ARHGAP24: variants seen among roughly 807,000 people sequenced by gnomAD.
ARHGAP24 encodes Rho GTPase activating protein 24.
ARHGAP24 carries 50 observed loss-of-function variants against 76.4 expected under a neutral mutation model. That is an observed-to-expected ratio of 0.65 (90% CI 0.52 to 0.83). The LOEUF is 0.83. ARHGAP24 is among the 40% of genes least tolerant of loss of function. The probability of loss-of-function intolerance (pLI) is 0.00; values close to 1 mark genes in which losing one functional copy is unlikely to be tolerated. For missense variants in ARHGAP24, 930 were observed against 914.2 expected (o/e 1.02, Z -0.22); for synonymous variants, 345 against 323.3 (o/e 1.07, Z -0.72).
chr4:85,899,614 A>C (rs531028690), intron 3 of ARHGAP24, among the ~76,000 whole-genome samples: 1 of 152,342 alleles, frequency 6.6e-6, no homozygotes, highest in South Asian at 2.1e-4. Context: ...ATACTTTGAG[A>C]TATCATCTGG....
chr4:85,570,785 A>G (rs1346277842), intron 2 of ARHGAP24, 64 bp downstream of exon 2: 12 of 1,581,382 alleles, frequency 7.6e-6, no homozygotes, highest in African/African-American at 1.4e-5. Context: ...GGGATTTGCT[A>G]GAAACCGATT....
At chr4:85,857,909 G>C (rs947025509) in intron 3 of ARHGAP24, among the ~76,000 whole-genome samples, 3 of 151,958 alleles carry the variant, frequency 2.0e-5, no homozygotes, top group Non-Finnish European at 4.4e-5. Flanking sequence ...AAGCTCTGAA[G>C]GTTTCTATTA....
chr4:85,945,501 T>A (rs1737200713), intron 5 of ARHGAP24, among the ~76,000 whole-genome samples: 1 of 151,978 alleles, frequency 6.6e-6, no homozygotes, highest in Admixed American at 6.6e-5. Flanking sequence ...GGGTGGCTCA[T>A]GCCTATAATC....
At chr4:85,846,639 A>C (rs1246330161) in intron 3 of ARHGAP24, among the ~76,000 whole-genome samples, 1 of 152,206 alleles carries the variant, frequency 6.6e-6, no homozygotes, top group Non-Finnish European at 1.5e-5. Flanking sequence ...TTATTAACCA[A>C]CTTTCACTCT....
chr4:85,888,009 T>A (rs1268042110), intron 3 of ARHGAP24, among the ~76,000 whole-genome samples: 1 of 152,178 alleles, frequency 6.6e-6, no homozygotes, highest in Non-Finnish European at 1.5e-5. Flanking sequence ...GGATTACATA[T>A]GACTAGGAAA....
intron 3 of ARHGAP24, among the ~76,000 whole-genome samples, chr4:85,871,288 A>C (rs1430562486): frequency 1.3e-5 from 2 of 152,194 alleles, no homozygotes; most frequent in Admixed American, 1.3e-4. Flanking sequence ...ACTGCTTTAG[A>C]ATAAAGAAGA....
chr4:85,700,420 G>A (rs79462025), intron 2 of ARHGAP24, among the ~76,000 whole-genome samples: 88,133 of 139,654 alleles, frequency 0.63, 29,819 homozygotes, highest in Non-Finnish European at 0.78. Context: ...AATAAATAAA[G>A]AAGAAGAAGA....
intron 3 of ARHGAP24, among the ~76,000 whole-genome samples, chr4:85,775,251 A>G (rs1030246326): frequency 6.6e-6 from 1 of 152,194 alleles, no homozygotes; most frequent in Admixed American, 6.5e-5. Context: ...GAATGATGAG[A>G]AGATCATTCT....
chr4:85,726,238 G>A (rs749329561), intron 3 of ARHGAP24, among the ~76,000 whole-genome samples: 34 of 151,832 alleles, frequency 2.2e-4, no homozygotes, highest in Non-Finnish European at 4.4e-4. Flanking sequence ...CTTTTGGGGG[G>A]TGGGGGGTGG....
At position 85,655,766 on chromosome 4, in the gene ARHGAP24, C is replaced by CATATATATATATATATATAT. The variant is rs370571889; in HGVS notation, c.181-66111_181-66092dup. ...CAGCCTGGGTGACAGAGTGAGACTC[C>CATATATATATATATATATAT]ATATATATATATATATATATATATA... is the stretch of plus-strand genomic sequence containing the variant. On this transcript the variant is annotated intron_variant, in intron 2 of 9. Transcript: ENST00000395184. Among the ~76,000 whole-genome samples the CATATATATATATATATATAT allele has an allele frequency of 7.2e-5, 5 of 69,050 alleles. 1 individual carries two copies. The highest frequency in any genetic ancestry group is 5.0e-4 in the African/African-American group (5 of 9,984). 45.3% of individuals were successfully genotyped at this position (69,050 alleles called of 152,430 possible). A position where few individuals can be genotyped will look rare whatever the true frequency, so the allele number is the denominator to read the frequency against.
chr4:85,809,699 A>G (rs1393597963), intron 3 of ARHGAP24, among the ~76,000 whole-genome samples: 1 of 152,114 alleles, frequency 6.6e-6, no homozygotes, highest in Non-Finnish European at 1.5e-5. Flanking sequence ...CTCATTTTGG[A>G]CATCATAAGG....
intron 1 of ARHGAP24, among the ~76,000 whole-genome samples, chr4:85,509,222 C>A (rs890595686): frequency 6.8e-6 from 1 of 147,986 alleles, no homozygotes; most frequent in Non-Finnish European, 1.5e-5. Flanking sequence ...GGAGGGATAG[C>A]ATTAGGAGAT....
At chr4:85,800,969 TA>T (rs1728556116) in intron 3 of ARHGAP24, among the ~76,000 whole-genome samples, 1 of 152,202 alleles carries the variant, frequency 6.6e-6, no homozygotes, top group Non-Finnish European at 1.5e-5. Context: ...TTAAGTTAAA[TA>T]CATAAAAACA....
At chr4:85,616,164 C>T (rs1005545255) in intron 2 of ARHGAP24, among the ~76,000 whole-genome samples, 2 of 152,128 alleles carry the variant, frequency 1.3e-5, no homozygotes, top group Admixed American at 1.3e-4. Flanking sequence ...CATTTTCCAG[C>T]CTGAAAACCA....
intron 2 of ARHGAP24, among the ~76,000 whole-genome samples, chr4:85,614,068 A>G (rs976187328): frequency 6.6e-6 from 1 of 152,222 alleles, no homozygotes; most frequent in Non-Finnish European, 1.5e-5. Flanking sequence ...TAAGCATGCA[A>G]TTCTTTTCTT....
At chr4:85,904,594 T>C (rs554038556) in intron 3 of ARHGAP24, among the ~76,000 whole-genome samples, 21 of 152,350 alleles carry the variant, frequency 1.4e-4, no homozygotes, top group African/African-American at 4.1e-4. Flanking sequence ...TAATGCAATA[T>C]AATGCTTTTG....
chr4:85,751,705 C>T (rs1339466482), intron 3 of ARHGAP24, among the ~76,000 whole-genome samples: 1 of 152,158 alleles, frequency 6.6e-6, no homozygotes. Context: ...ATCCACATTT[C>T]CCTTCAGGAT....
At chr4:85,545,094 C>CT (rs58607125) in intron 1 of ARHGAP24, among the ~76,000 whole-genome samples, 18,156 of 150,088 alleles carry the variant, frequency 0.12, 3,081 homozygotes, top group African/African-American at 0.38. Flanking sequence ...TCTACAGTTT[C>CT]TTTTTTTTTT....
intron 2 of ARHGAP24, among the ~76,000 whole-genome samples, chr4:85,584,923 T>C (rs989564246): frequency 6.6e-6 from 1 of 152,156 alleles, no homozygotes; most frequent in Non-Finnish European, 1.5e-5. Flanking sequence ...TGCTTAGAGG[T>C]CCTAGGAGAA....
Sources: allele counts gnomAD v4.1 joint callset (sites outside exome capture counted in the v4.1 genomes callset), GRCh38; gene constraint gnomAD v4.1.1; transcripts MANE v1.5; gene names NCBI Gene and HGNC (gene_info 2026-07-23, HGNC 2026-07-21).